NKAIN3: variants seen among roughly 807,000 people sequenced by gnomAD.
The protein encoded by NKAIN3 is sodium/potassium-transporting ATPase subunit beta-1-interacting protein 3.
Under a neutral mutation model 30.2 loss-of-function variants are expected in NKAIN3, and 25 were observed. The observed-to-expected ratio is 0.83, with a 90% CI of 0.60 to 1.16. The LOEUF is 1.16. Among genes scored for constraint, NKAIN3 ranks in the 50% most tolerant of loss-of-function variants. The pLI is 0.00. For synonymous variants in NKAIN3, 91 were observed against 89.6 expected, an observed-to-expected ratio of 1.02 and a Z score of -0.09; for missense variants, 225 against 254.1, an observed-to-expected ratio of 0.89 and a Z score of 0.78.
intron 2 of NKAIN3, among the ~76,000 whole-genome samples, chr8:62,585,010 A>T (rs931774524): frequency 6.6e-6 from 1 of 152,232 alleles, no homozygotes; most frequent in Non-Finnish European, 1.5e-5. Context: ...AACAATAAAT[A>T]AATCAAAGTT....
Position 62,965,859 on chromosome 8 carries a change from C to T in NKAIN3, c.*452C>T, listed in dbSNP as rs541771852. On this transcript the variant is annotated 3_prime_UTR_variant, in exon 7 of 7. Coordinates refer to ENST00000623646, the MANE Select transcript of NKAIN3 (RefSeq NM_001304533.3). The stretch of plus-strand genomic sequence containing the variant: ...TGGTTATCAGCCACCAAGGTAGACC[C>T]TGTGACAGCTGATAAATAGGTACAA... 6 of 985,062 alleles carry T rather than the reference C, an allele frequency of 6.1e-6. No individual in the cohort carries two copies. In the South Asian group the frequency reaches 2.3e-4, roughly 39 times the overall value. The allele number at this position is 985,062 out of a possible 1,614,324, so 61.0% of individuals were successfully genotyped here.
At chr8:62,924,528 C>G (rs1036027489) in intron 5 of NKAIN3, among the ~76,000 whole-genome samples, 1 of 152,154 alleles carries the variant, frequency 6.6e-6, no homozygotes, top group African/African-American at 2.4e-5. Context: ...TGGCAGAGAT[C>G]GGGGAGAAGG....
At chr8:62,500,429 GAAAGAAA>G (rs1807391807) in intron 1 of NKAIN3, among the ~76,000 whole-genome samples, 1 of 14,658 alleles carries the variant, frequency 6.8e-5, no homozygotes, top group Non-Finnish European at 1.3e-4. Context: ...AGAAAGGAAA[GAAAGAAA>G]GAAAGAAAGA....
Position 62,972,801 on chromosome 8 carries a change from A to G in NKAIN3, c.*7394A>G, listed in dbSNP as rs1363570572. Among the ~76,000 whole-genome samples the G allele has an allele frequency of 6.6e-6, 1 of 152,070 alleles. No homozygotes were observed. The highest frequency in any genetic ancestry group is 2.4e-5 in the African/African-American group (1 of 41,400). The stretch of plus-strand genomic sequence containing the variant: ...TCAATTCATCATCTACATTAGGTAT[A>G]TCTCCTAATGTTATCCCTCCCCTTG... On this transcript the variant is annotated 3_prime_UTR_variant, in exon 7 of 7. Coordinates refer to ENST00000623646, the MANE Select transcript of NKAIN3 (RefSeq NM_001304533.3).
chr8:62,544,248 C>T (rs901555331), intron 1 of NKAIN3, among the ~76,000 whole-genome samples: 1 of 152,126 alleles, frequency 6.6e-6, no homozygotes, highest in Non-Finnish European at 1.5e-5. Flanking sequence ...AGCAATCCTC[C>T]TGCCTCAGAC....
intron 1 of NKAIN3, among the ~76,000 whole-genome samples, chr8:62,351,951 C>T (rs1255459479): frequency 6.6e-6 from 1 of 152,134 alleles, no homozygotes; most frequent in Non-Finnish European, 1.5e-5. Context: ...AGGATGGAGA[C>T]AGAGGTGTTC....
intron 4 of NKAIN3, among the ~76,000 whole-genome samples, chr8:62,887,123 CAT>C (rs2130820626): frequency 6.6e-6 from 1 of 152,282 alleles, no homozygotes; most frequent in South Asian, 2.1e-4. Flanking sequence ...CTGCAATAAA[CAT>C]ATGTGTGTAC....
At chr8:62,518,024 G>T (rs528345106) in intron 1 of NKAIN3, among the ~76,000 whole-genome samples, 1 of 152,182 alleles carries the variant, frequency 6.6e-6, no homozygotes, top group South Asian at 2.1e-4. Context: ...GAAGTTAATT[G>T]TGAGGGAAAT....
chr8:62,304,854 T>C (rs1814173835), intron 1 of NKAIN3, among the ~76,000 whole-genome samples: 2 of 150,454 alleles, frequency 1.3e-5, no homozygotes, highest in African/African-American at 5.0e-5. Context: ...AGCTACTCCA[T>C]ACTCAAGTGG....
intron 1 of NKAIN3, among the ~76,000 whole-genome samples, chr8:62,554,164 A>C (rs1208400506): frequency 6.6e-6 from 1 of 152,218 alleles, no homozygotes; most frequent in African/African-American, 2.4e-5. Flanking sequence ...CATCTTTGGA[A>C]CACTTATGGC....
intron 1 of NKAIN3, among the ~76,000 whole-genome samples, chr8:62,569,643 A>G (rs1809866623): frequency 1.3e-5 from 2 of 151,712 alleles, no homozygotes; most frequent in Admixed American, 1.3e-4. Flanking sequence ...AGGCATGGTG[A>G]CTCATACCTG....
intron 1 of NKAIN3, among the ~76,000 whole-genome samples, chr8:62,401,434 C>G (rs1403028903): frequency 1.3e-5 from 2 of 152,112 alleles, no homozygotes; most frequent in Non-Finnish European, 2.9e-5. Context: ...TTCACTGGTG[C>G]CTTATTTAGT....
chr8:62,553,014 C>T (rs1038429960), intron 1 of NKAIN3, among the ~76,000 whole-genome samples: 1 of 152,130 alleles, frequency 6.6e-6, no homozygotes, highest in African/African-American at 2.4e-5. Flanking sequence ...CCCCAAATCT[C>T]CTTCCAAGTA....
chr8:62,700,031 A>C (rs547126813), intron 3 of NKAIN3, among the ~76,000 whole-genome samples: 4 of 152,152 alleles, frequency 2.6e-5, no homozygotes, highest in Non-Finnish European at 5.9e-5. Flanking sequence ...TGGGTAAGCT[A>C]AAGTAGGCAC....
chr8:62,589,594 C>T (rs1354825995), intron 2 of NKAIN3, 120 bp from the exon 3 acceptor site: 6 of 511,040 alleles, frequency 1.2e-5, no homozygotes, highest in Admixed American at 3.4e-5. Context: ...TTTCTGAGCG[C>T]TCCGTCAGTT....
intron 1 of NKAIN3, among the ~76,000 whole-genome samples, chr8:62,360,677 T>A (rs1015618342): frequency 9.9e-5 from 15 of 152,136 alleles, no homozygotes; most frequent in Non-Finnish European, 1.0e-4. Context: ...AATATCTTTG[T>A]TAATTTTCTG....
At chr8:62,452,921 G>C (rs1336520572) in intron 1 of NKAIN3, among the ~76,000 whole-genome samples, 1 of 152,230 alleles carries the variant, frequency 6.6e-6, no homozygotes, top group East Asian at 1.9e-4. Flanking sequence ...GGTGTCTTTT[G>C]TAAGTGTACA....
At chr8:62,352,020 G>A (rs1044795261) in intron 1 of NKAIN3, among the ~76,000 whole-genome samples, 1 of 152,154 alleles carries the variant, frequency 6.6e-6, no homozygotes, top group Non-Finnish European at 1.5e-5. Flanking sequence ...TCGTGGGCTG[G>A]TCAAACACCA....
intron 1 of NKAIN3, among the ~76,000 whole-genome samples, chr8:62,452,819 A>G (rs1805689828): frequency 6.6e-6 from 1 of 152,176 alleles, no homozygotes; most frequent in African/African-American, 2.4e-5. Flanking sequence ...AATATTTTAG[A>G]AAATTTCTTA....
Sources: allele counts gnomAD v4.1 joint callset (sites outside exome capture counted in the v4.1 genomes callset), GRCh38; gene constraint gnomAD v4.1.1; transcripts MANE v1.5; gene names NCBI Gene and HGNC (gene_info 2026-07-23, HGNC 2026-07-21).